NAV1: variants seen among roughly 807,000 people sequenced by gnomAD.
NAV1 encodes neuron navigator 1, also known as pore membrane and/or filament interacting like protein 3.
Under a neutral mutation model 175.2 loss-of-function variants are expected in NAV1, and 18 were observed. The observed-to-expected ratio is 0.10, with a 90% confidence interval of 0.07 to 0.15. NAV1 has a LOEUF of 0.15. Ranked by LOEUF, NAV1 falls within the 10% of genes least tolerant of loss-of-function variation. The pLI is 1.00. For missense variants in NAV1, 1,731 were observed against 2,436.6 expected (o/e 0.71, Z 6.10); for synonymous variants, 897 against 978.7 (o/e 0.92, Z 1.56).
rs116658714 is a variant in NAV1 at position 201,669,809 on chromosome 1, T to C, written c.757+20384T>C. Among the ~76,000 whole-genome samples the C allele has an allele frequency of 9.8e-3, 1,488 of 151,778 alleles. 24 individuals are homozygous for C. The highest frequency in any genetic ancestry group is 0.034 in the African/African-American group (1,392 of 41,362). On this transcript the variant is annotated intron_variant, in intron 1 of 29. Transcript: ENST00000367296. ...GCAGGCTCCAGGGAGGGAGCTGAAG[T>C]GGAGAGGCTGAAGAACTGACCAGGG...
At chr1:201,795,639 CTATAAT>C (rs774764663) in intron 15 of NAV1, 11 of 152,284 alleles carry the variant, frequency 7.2e-5, no homozygotes, top group Non-Finnish European at 1.3e-4. Flanking sequence ...CCTAACCCCA[CTATAAT>C]TATGCTTCTG....
At chr1:201,680,555 T>G (rs550437452) in intron 1 of NAV1, among the ~76,000 whole-genome samples, 1 of 151,960 alleles carries the variant, frequency 6.6e-6, no homozygotes, top group East Asian at 1.9e-4. Flanking sequence ...AAGAACCAGA[T>G]CTTGGGTGAA....
chr1:201,665,469 A>G (rs921480654), intron 1 of NAV1, among the ~76,000 whole-genome samples: 5 of 152,010 alleles, frequency 3.3e-5, no homozygotes, highest in Admixed American at 1.3e-4. Flanking sequence ...TTCTGTCCGC[A>G]CTAGCCACAA....
At chr1:201,677,665 C>G (rs1670304731) in intron 1 of NAV1, among the ~76,000 whole-genome samples, 1 of 152,090 alleles carries the variant, frequency 6.6e-6, no homozygotes, top group Non-Finnish European at 1.5e-5. Context: ...ATGGGGTCTC[C>G]AGCCCAGGCT....
chr1:201,791,945 C>A (rs1677146095), intron 13 of NAV1: 1 of 152,172 alleles, frequency 6.6e-6, no homozygotes, highest in Admixed American at 6.5e-5. Context: ...GTCCTGCACA[C>A]CCCAGGAAAT....
In NAV1 at chr1:201,648,743, C is replaced by G. The variant is rs1669072037; in HGVS notation, c.75C>G (p.Asp25Glu). The G allele has an allele frequency of 2.1e-6, 3 of 1,407,902 alleles. No homozygotes were observed. The East Asian group carries it at 9.1e-5, about 43-fold the overall frequency. The allele number at this position is 1,407,902 out of a possible 1,614,324, so 87.2% of individuals were successfully genotyped here. A position where few individuals can be genotyped will look rare whatever the true frequency, so the allele number is the denominator to read the frequency against. ...GCGGCGGCGGCGACGAGGGCGCGGA[C>G]GAACCGCGGGGCGCCGGCAGGAAGG... Residue 25 changes from aspartate (D) to glutamate (E), a missense_variant, in exon 1 of 30, where the codon GAC (aspartate) becomes GAG (glutamate). Coordinates refer to ENST00000367296, the Ensembl canonical transcript of NAV1.
Position 201,753,093 on chromosome 1 carries a change from C to G in NAV1, c.1227-27328C>G, listed in dbSNP as rs576622246. 1.3e-4 allele frequency among the ~76,000 whole-genome samples: 20 copies of G among 152,182 alleles called. 1 individual carries two copies. The South Asian group carries it at 2.7e-3, about 21-fold the overall frequency. ...GAGAAGGAATTAGAAACTCACACCC[C>G]CTAAGCAAAGAAAGCTTTGGAAGGA... On this transcript the variant is annotated intron_variant, in intron 3 of 29. Transcript: ENST00000367296.
At position 201,788,847 on chromosome 1, in the gene NAV1, G is replaced by A. The variant is rs1421609859; in HGVS notation, c.3166+209G>A. ...GGCACATCTAGCACTGGGGCATTGG[G>A]ATGGAGCATCCATCACTGGGGCTGG... On this transcript the variant is annotated intron_variant, in intron 10 of 29. Transcript: ENST00000367296. The surrounding 1 kb of genome is among the most constrained non-coding windows in gnomAD (Gnocchi z 5.7). 1.3e-5 allele frequency among the ~76,000 whole-genome samples: 2 copies of A among 152,132 alleles called. No homozygotes were observed. The highest frequency in any genetic ancestry group is 6.5e-5 in the Admixed American group (1 of 15,276).
intron 13 of NAV1, chr1:201,792,370 C>T (rs1006313453): frequency 6.6e-6 from 1 of 152,262 alleles, no homozygotes; most frequent in Non-Finnish European, 1.5e-5. Flanking sequence ...TTACCCCTCT[C>T]AAATGCTAGC....
chr1:201,576,629 C>A (rs1033071286), intron 1 of NAV1, among the ~76,000 whole-genome samples: 4 of 152,002 alleles, frequency 2.6e-5, no homozygotes, highest in African/African-American at 9.7e-5. Flanking sequence ...TTTGTGTGAA[C>A]ATAACTCTTC....
Position 201,782,129 on chromosome 1 carries a change from G to T in NAV1, c.1664-47G>T. The T allele has an allele frequency of 6.7e-7, 1 of 1,494,884 alleles. No individual in the cohort carries two copies. Among genetic ancestry groups the T allele is most frequent in the Non-Finnish European group, 9.0e-7 (1 of 1,113,102 alleles). 92.6% of individuals were successfully genotyped at this position (1,494,884 alleles called of 1,614,324 possible). On this transcript the variant is annotated intron_variant, in intron 5 of 29. Transcript: ENST00000367296. This position sits in a 1 kb window ranked among gnomAD's most constrained non-coding sequence, Gnocchi z 5.4. ...GGGAAAGAAAAGGGTGGGTTTTTAA[G>T]ATACTGGTCAGTTTCAGCTCTTTTC...
intron 2 of NAV1, among the ~76,000 whole-genome samples, chr1:201,596,662 T>C (rs1019425341): frequency 6.6e-6 from 1 of 152,216 alleles, no homozygotes; most frequent in African/African-American, 2.4e-5. Context: ...TATTCCACCA[T>C]ATTTATTGAA....
intron 1 of NAV1, among the ~76,000 whole-genome samples, chr1:201,655,722 G>A (rs1297054148): frequency 1.3e-5 from 2 of 152,262 alleles, no homozygotes; most frequent in African/African-American, 4.8e-5. Flanking sequence ...TGGAGGCTGA[G>A]GGAGGAGCAG....
chr1:201,748,578 A>G (rs1056845871), intron 3 of NAV1, among the ~76,000 whole-genome samples: 1 of 152,170 alleles, frequency 6.6e-6, no homozygotes, highest in Non-Finnish European at 1.5e-5. Context: ...GGAGGAAATC[A>G]TTGCTTACTC....
intron 1 of NAV1, among the ~76,000 whole-genome samples, chr1:201,707,205 C>T (rs1403865892): frequency 1.3e-5 from 2 of 152,156 alleles, no homozygotes; most frequent in East Asian, 1.9e-4. Context: ...ATGTCAGGTC[C>T]GTTGAGCTGC....
At chr1:201,822,095 G>C (rs1198388606) in exon 30 of NAV1, 3 of 152,704 alleles carry the variant, frequency 2.0e-5, no homozygotes, top group African/African-American at 7.2e-5. Context: ...ATGGATGACA[G>C]GGTTCTGTAT....
At chr1:201,582,052 C>T (rs373109818) in intron 1 of NAV1, among the ~76,000 whole-genome samples, 13 of 152,240 alleles carry the variant, frequency 8.5e-5, no homozygotes, top group East Asian at 1.9e-4. Flanking sequence ...GCTGAGATCG[C>T]GCCACTGCAC....
At chr1:201,580,179 T>C (rs528880572) in intron 1 of NAV1, among the ~76,000 whole-genome samples, 4 of 152,326 alleles carry the variant, frequency 2.6e-5, no homozygotes, top group Admixed American at 2.6e-4. Context: ...GATTAGATGG[T>C]GGCTGCCCAC....
intron 1 of NAV1, among the ~76,000 whole-genome samples, chr1:201,666,054 G>A (rs1258026740): frequency 1.3e-5 from 2 of 152,034 alleles, no homozygotes; most frequent in South Asian, 2.1e-4. Flanking sequence ...CTCACCCATC[G>A]GTAAGTCCCT....
Sources: allele counts gnomAD v4.1 joint callset (sites outside exome capture counted in the v4.1 genomes callset), GRCh38; gene constraint gnomAD v4.1.1; non-coding constraint Gnocchi (gnomAD v3.1); transcripts MANE v1.5; gene names NCBI Gene and HGNC (gene_info 2026-07-23, HGNC 2026-07-21).